The following OSBPL10 variants were observed in gnomAD, a reference collection of about 807,000 sequenced individuals.
OSBPL10 encodes the protein oxysterol-binding protein-related protein 10.
Under a neutral mutation model 81.7 loss-of-function variants are expected in OSBPL10, and 49 were observed. That is an observed-to-expected ratio of 0.60 (90% CI 0.48 to 0.76). The LOEUF (loss-of-function observed/expected upper bound fraction) is 0.76, where lower values mean the gene tolerates loss of function less well. Ranked by LOEUF, OSBPL10 falls within the 30% of genes least tolerant of loss-of-function variation. The pLI is 0.00. For synonymous variants in OSBPL10, 419 were observed against 383.6 expected (o/e 1.09, Z -1.08); for missense variants, 923 against 987.8 (o/e 0.93, Z 0.88).
intron 3 of OSBPL10, among the ~76,000 whole-genome samples, chr3:31,860,539 G>T (rs1701031921): frequency 6.6e-6 from 1 of 152,140 alleles, no homozygotes. Flanking sequence ...CTAGGGTTAT[G>T]AGCCACATTC....
chr3:31,751,869 A>T (rs1212851347), intron 4 of OSBPL10, among the ~76,000 whole-genome samples: 2 of 152,148 alleles, frequency 1.3e-5, no homozygotes, highest in Non-Finnish European at 2.9e-5. Context: ...AGTTGAATGA[A>T]CCCTGAAAGA....
intron 2 of OSBPL10, among the ~76,000 whole-genome samples, chr3:32,026,068 TA>T (rs770130586): frequency 0.014 from 1,461 of 104,862 alleles, 10 homozygotes; most frequent in Middle Eastern, 0.034. Context: ...GATAGATAGA[TA>T]GATAGATAGA....
chr3:31,927,128 C>A (rs755166258), intron 1 of OSBPL10, among the ~76,000 whole-genome samples: 1 of 151,922 alleles, frequency 6.6e-6, no homozygotes, highest in Non-Finnish European at 1.5e-5. Flanking sequence ...ACAACAACAA[C>A]AAAAAGTCAA....
chr3:31,837,995 G>T (rs1368375650), intron 3 of OSBPL10, among the ~76,000 whole-genome samples: 1 of 152,062 alleles, frequency 6.6e-6, no homozygotes, highest in African/African-American at 2.4e-5. Flanking sequence ...ATTCCGGCAG[G>T]ATTTTTTGAG....
intron 8 of OSBPL10, among the ~76,000 whole-genome samples, chr3:31,671,556 T>A (rs1408087085): frequency 2.6e-5 from 4 of 152,118 alleles, no homozygotes; most frequent in African/African-American, 9.7e-5. Context: ...TCCTGAGAGC[T>A]ACAGAGACAA....
chr3:31,801,998 T>A (rs184979368), intron 4 of OSBPL10, among the ~76,000 whole-genome samples: 105 of 151,882 alleles, frequency 6.9e-4, no homozygotes, highest in African/African-American at 2.4e-3. Context: ...TAATTTTGTA[T>A]TTTTAGTAGA....
At chr3:31,800,051 G>T (rs1271666515) in intron 4 of OSBPL10, among the ~76,000 whole-genome samples, 1 of 152,196 alleles carries the variant, frequency 6.6e-6, no homozygotes, top group African/African-American at 2.4e-5. Flanking sequence ...TTGTATTTGG[G>T]TCAAAGGTTC....
At chr3:31,832,936 G>A (rs1009809369) in intron 3 of OSBPL10, among the ~76,000 whole-genome samples, 4 of 152,206 alleles carry the variant, frequency 2.6e-5, no homozygotes, top group African/African-American at 9.7e-5. Flanking sequence ...ATGAAGGAGT[G>A]GGGCGAGAGC....
At chr3:31,788,963 T>C (rs9869893) in intron 4 of OSBPL10, among the ~76,000 whole-genome samples, 6,800 of 149,220 alleles carry the variant, frequency 0.046, 498 homozygotes, top group African/African-American at 0.15. Flanking sequence ...GTTTCTTTCT[T>C]TTTTTTTTTG....
At chr3:31,715,031 T>C (rs909048006) in intron 6 of OSBPL10, 5 of 133,612 alleles carry the variant, frequency 3.7e-5, no homozygotes, top group East Asian at 2.2e-4. Flanking sequence ...CAGAGGAAAA[T>C]GTCTACTCAG....
chr3:31,928,449 T>C (rs1399302575), intron 1 of OSBPL10, among the ~76,000 whole-genome samples: 1 of 152,190 alleles, frequency 6.6e-6, no homozygotes, highest in African/African-American at 2.4e-5. Context: ...ACACAGACCC[T>C]ACCATCTACC....
intron 7 of OSBPL10, chr3:31,701,957 A>ATTTCCCTTCCCCATCT (rs1695908636): frequency 1.2e-5 from 2 of 166,230 alleles, no homozygotes; most frequent in South Asian, 3.5e-4. Flanking sequence ...TGGTGCCACC[A>ATTTCCCTTCCCCATCT]TTTCCCTTCC....
intron 1 of OSBPL10, among the ~76,000 whole-genome samples, chr3:31,976,851 G>A (rs1698706073): frequency 6.6e-6 from 1 of 152,162 alleles, no homozygotes; most frequent in African/African-American, 2.4e-5. Flanking sequence ...ATTGAAGGTT[G>A]GTTCCACGTT....
At chr3:31,868,028 T>G (rs1018836665) in intron 3 of OSBPL10, among the ~76,000 whole-genome samples, 5 of 151,198 alleles carry the variant, frequency 3.3e-5, no homozygotes, top group Admixed American at 3.3e-4. Flanking sequence ...AAACAAAACG[T>G]GTACAAGTTC....
intron 8 of OSBPL10, 76 bp downstream of exon 8, chr3:31,683,558 C>A: frequency 6.6e-7 from 1 of 1,525,118 alleles, no homozygotes; most frequent in Non-Finnish European, 8.8e-7. Flanking sequence ...ACTCCACACA[C>A]AAAATTATCA....
intron 4 of OSBPL10, among the ~76,000 whole-genome samples, chr3:31,809,541 G>A (rs1268803380): frequency 6.6e-6 from 1 of 152,188 alleles, no homozygotes; most frequent in Non-Finnish European, 1.5e-5. Flanking sequence ...TGCCAGTAGG[G>A]TGGTGGTGGA....
intron 6 of OSBPL10, among the ~76,000 whole-genome samples, chr3:31,709,660 G>A (rs1696190829): frequency 6.6e-6 from 1 of 152,200 alleles, no homozygotes; most frequent in Non-Finnish European, 1.5e-5. Context: ...AGCGGCAAAT[G>A]AAGGGGTAGG....
chr3:32,024,610 C>G (rs1380705256), intron 2 of OSBPL10, among the ~76,000 whole-genome samples: 1 of 151,624 alleles, frequency 6.6e-6, no homozygotes, highest in African/African-American at 2.4e-5. Context: ...TCAGCCCCCC[C>G]AGTAGCTGGG....
chr3:31,692,036 T>C (rs1695572161), intron 7 of OSBPL10, among the ~76,000 whole-genome samples: 1 of 152,190 alleles, frequency 6.6e-6, no homozygotes, highest in Non-Finnish European at 1.5e-5. Flanking sequence ...TGAAAAGCAT[T>C]CATTAAAATT....
Sources: gnomAD v4.1 joint callset for allele counts (sites outside exome capture counted in the v4.1 genomes callset) on GRCh38, gnomAD v4.1.1 for gene constraint, MANE v1.5 for transcripts, NCBI Gene and HGNC (gene_info 2026-07-23, HGNC 2026-07-21) for gene names.